MAP2: variants seen among roughly 807,000 people sequenced by gnomAD.
MAP2 encodes microtubule associated protein 2.
MAP2 carries 14 observed loss-of-function variants against 137.6 expected under a neutral mutation model. The ratio of observed to expected loss-of-function variants is 0.10; its 90% CI spans 0.07 to 0.16. The LOEUF (loss-of-function observed/expected upper bound fraction) is 0.16, where lower values mean the gene tolerates loss of function less well. Ranked by LOEUF, MAP2 falls within the 10% of genes least tolerant of loss-of-function variation. MAP2 has a pLI of 1.00. For synonymous variants in MAP2, 786 were observed against 782.3 expected, an observed-to-expected ratio of 1.00 and a Z score of -0.08; for missense variants, 2,088 against 2,191.5, an observed-to-expected ratio of 0.95 and a Z score of 0.94.
Position 209,558,773 on chromosome 2 carries a change from T to A in MAP2, c.-171-21263T>A, listed in dbSNP as rs545807621. On this transcript the variant is annotated intron_variant, in intron 2 of 15. Transcript: ENST00000682079. ...ATCTAGTAACCAGCACCTGCTTTTT[T>A]AAAATTTTGTGACGTTAATGTTTCT... is the stretch of plus-strand genomic sequence containing the variant. Among the ~76,000 whole-genome samples, 5 of 152,060 alleles carry A rather than the reference T, an allele frequency of 3.3e-5. No individual in the cohort carries two copies. In the East Asian group the frequency reaches 7.7e-4, roughly 24 times the overall value.
intron 2 of MAP2, among the ~76,000 whole-genome samples, chr2:209,563,059 A>G (rs1043351263): frequency 3.3e-5 from 5 of 152,160 alleles, no homozygotes; most frequent in African/African-American, 9.7e-5. Flanking sequence ...CAGCTAGAGG[A>G]CTGAGATGCC....
chr2:209,650,229 A>C (rs1422925822), intron 4 of MAP2, among the ~76,000 whole-genome samples: 3 of 152,178 alleles, frequency 2.0e-5, no homozygotes, highest in Non-Finnish European at 2.9e-5. Context: ...GTACAAACCT[A>C]AATATTTCCC....
Position 209,696,140 on chromosome 2 carries a change from T to C in MAP2, c.3970T>C (p.Ser1324Pro), listed in dbSNP as rs751066901. The C allele has an allele frequency of 3.5e-5, 56 of 1,612,832 alleles. No homozygotes were observed. Among genetic ancestry groups the C allele is most frequent in the Non-Finnish European group, 4.7e-5 (56 of 1,179,570 alleles). ...LEQPEVERRP[S>P]PHDEEEFEVE... ...GCAGCCTGAGGTGGAAAGGAGACCA[T>C]CTCCTCATGATGAAGAAGAGTTTGA... is the stretch of plus-strand genomic sequence containing the variant. Residue 1324 changes from serine to proline, a missense_variant, in exon 8 of 16, where the codon TCT (serine) becomes CCT (proline). This residue lies in a region of MAP2 where 591 missense variants were observed against 642.6 expected (regional missense o/e 0.92). Transcript: ENST00000682079.
chr2:209,490,091 C>G (rs1486834627), intron 1 of MAP2, among the ~76,000 whole-genome samples: 1 of 152,170 alleles, frequency 6.6e-6, no homozygotes, highest in Non-Finnish European at 1.5e-5. Flanking sequence ...CTGTAGAAAC[C>G]TTGCAAGCCA....
chr2:209,474,870 A>G (rs1247886678), intron 1 of MAP2, among the ~76,000 whole-genome samples: 1 of 152,070 alleles, frequency 6.6e-6, no homozygotes, highest in African/African-American at 2.4e-5. Context: ...ATTTTTCTCA[A>G]TTCAACAATA....
At chr2:209,442,316 AG>A (rs1429686658) in intron 1 of MAP2, among the ~76,000 whole-genome samples, 1 of 151,506 alleles carries the variant, frequency 6.6e-6, no homozygotes, top group African/African-American at 2.4e-5. Context: ...AAGTTGAGGG[AG>A]CAAAAGAACT....
At chr2:209,451,559 C>G (rs780468820) in intron 1 of MAP2, among the ~76,000 whole-genome samples, 6 of 152,164 alleles carry the variant, frequency 3.9e-5, no homozygotes, top group Non-Finnish European at 8.8e-5. Flanking sequence ...TTCTACTTTT[C>G]TAGCCCTGGC....
chr2:209,436,842 A>G (rs1295638700), intron 1 of MAP2, among the ~76,000 whole-genome samples: 3 of 151,622 alleles, frequency 2.0e-5, no homozygotes, highest in Non-Finnish European at 4.4e-5. Context: ...TCTTTAGTAG[A>G]CATTTCATAC....
chr2:209,484,590 T>C (rs2058135836), intron 1 of MAP2, among the ~76,000 whole-genome samples: 2 of 152,152 alleles, frequency 1.3e-5, no homozygotes, highest in Admixed American at 6.5e-5. Context: ...CTCGGGAGGC[T>C]GAGGCAGGAG....
At chr2:209,554,099 A>G (rs989770670) in intron 2 of MAP2, among the ~76,000 whole-genome samples, 11 of 152,240 alleles carry the variant, frequency 7.2e-5, no homozygotes, top group Non-Finnish European at 1.5e-4. Flanking sequence ...GAATGAAGGC[A>G]TGACAGAAAT....
intron 1 of MAP2, among the ~76,000 whole-genome samples, chr2:209,467,563 A>G (rs1374832396): frequency 6.6e-6 from 1 of 152,076 alleles, no homozygotes; most frequent in African/African-American, 2.4e-5. Context: ...TCCCTTTGTT[A>G]TGCTACTCTT....
At chr2:209,431,624 T>C (rs1348755679) in intron 1 of MAP2, among the ~76,000 whole-genome samples, 1 of 152,156 alleles carries the variant, frequency 6.6e-6, no homozygotes, top group Admixed American at 6.5e-5. Flanking sequence ...TTTCCTTATC[T>C]AGTTAGTAGG....
intron 5 of MAP2, among the ~76,000 whole-genome samples, chr2:209,660,803 G>T (rs1171032153): frequency 6.8e-6 from 1 of 146,938 alleles, no homozygotes; most frequent in African/African-American, 2.5e-5. Flanking sequence ...GCGCGATCTC[G>T]GCTCACTGCA....
intron 1 of MAP2, among the ~76,000 whole-genome samples, chr2:209,429,383 G>GT (rs56297303): frequency 1.2e-3 from 178 of 149,222 alleles, no homozygotes; most frequent in Non-Finnish European, 1.3e-3. Flanking sequence ...GGTTCAACTA[G>GT]TTTTTTTTTT....
chr2:209,611,746 C>A (rs1273252427), intron 3 of MAP2, among the ~76,000 whole-genome samples: 2 of 151,956 alleles, frequency 1.3e-5, no homozygotes, highest in East Asian at 3.9e-4. Flanking sequence ...TTATAAAGAA[C>A]AAAGTATAAT....
intron 2 of MAP2, among the ~76,000 whole-genome samples, chr2:209,534,740 T>G (rs78139373): frequency 0.027 from 4,120 of 152,274 alleles, 192 homozygotes; most frequent in African/African-American, 0.094. Flanking sequence ...CTACAAGAGT[T>G]ACAATTCAAA....
intron 1 of MAP2, among the ~76,000 whole-genome samples, chr2:209,428,927 ATTTATTTATTTATTTATTTATTT>A (rs1693368871): frequency 3.4e-5 from 1 of 29,590 alleles, no homozygotes; most frequent in Non-Finnish European, 6.2e-5. Context: ...ATTTTATTTT[ATTTATTTATTTATTTATTTATTT>A]ATTTATTTAT....
At chr2:209,511,474 A>G (rs540161215) in intron 2 of MAP2, among the ~76,000 whole-genome samples, 12 of 152,298 alleles carry the variant, frequency 7.9e-5, no homozygotes, top group African/African-American at 1.7e-4. Flanking sequence ...GCACTTGACT[A>G]TATTAAAGTG....
chr2:209,534,192 G>A (rs557357501), intron 2 of MAP2, among the ~76,000 whole-genome samples: 1 of 152,236 alleles, frequency 6.6e-6, no homozygotes, highest in Admixed American at 6.5e-5. Flanking sequence ...AACATTTCTT[G>A]AGTATGTGTC....
Sources: allele counts gnomAD v4.1 joint callset (sites outside exome capture counted in the v4.1 genomes callset), GRCh38; gene constraint gnomAD v4.1.1; regional missense constraint gnomAD v4.1.1; transcripts MANE v1.5; gene names NCBI Gene and HGNC (gene_info 2026-07-23, HGNC 2026-07-21).